The following CCDC7 variants were observed in gnomAD, a reference collection of about 807,000 sequenced individuals.
CCDC7 encodes the protein coiled-coil domain-containing protein 7.
In CCDC7, 183 loss-of-function variants were observed where a neutral mutation model predicts 196.9. The observed-to-expected ratio is 0.93, with a 90% CI of 0.82 to 1.05. CCDC7 has a LOEUF of 1.05. Among genes scored for constraint, CCDC7 ranks in the 50% least tolerant of loss-of-function variants. The pLI is 0.00. For missense variants in CCDC7, 1,540 were observed against 1,482.2 expected (o/e 1.04, Z -0.64); for synonymous variants, 525 against 484.6 (o/e 1.08, Z -1.10).
intron 9 of CCDC7, among the ~76,000 whole-genome samples, chr10:32,499,975 C>A (rs2043627958): frequency 1.3e-5 from 2 of 152,238 alleles, no homozygotes; most frequent in South Asian, 4.1e-4. Flanking sequence ...TAGTACAGAA[C>A]AAAATGGAGT....
intron 28 of CCDC7, among the ~76,000 whole-genome samples, chr10:32,731,695 A>G (rs997819318): frequency 2.0e-5 from 3 of 152,210 alleles, no homozygotes; most frequent in Non-Finnish European, 4.4e-5. Flanking sequence ...ATTCATTTTG[A>G]AAATGTGTCA....
intron 24 of CCDC7, among the ~76,000 whole-genome samples, chr10:32,707,024 G>T (rs572213862): frequency 2.4e-4 from 37 of 152,214 alleles, no homozygotes; most frequent in African/African-American, 8.7e-4. Flanking sequence ...CAAAAGAAGA[G>T]AATTTTAGAC....
chr10:32,445,332 C>A (rs746197699), upstream of CCDC7, among the ~76,000 whole-genome samples: 8 of 152,134 alleles, frequency 5.3e-5, no homozygotes, highest in African/African-American at 9.7e-5. Flanking sequence ...TCTTGTGAGG[C>A]ATTCAGATTT....
intron 18 of CCDC7, among the ~76,000 whole-genome samples, chr10:32,590,358 A>G (rs1260638635): frequency 2.0e-5 from 3 of 152,124 alleles, no homozygotes; most frequent in Non-Finnish European, 4.4e-5. Flanking sequence ...AGCAAAAAGG[A>G]AACTAGCAAA....
chr10:32,693,934 A>G (rs1236847569), intron 23 of CCDC7, among the ~76,000 whole-genome samples: 1 of 152,160 alleles, frequency 6.6e-6, no homozygotes, highest in Non-Finnish European at 1.5e-5. Context: ...CTTAACTGGG[A>G]TAAGTAGGCT....
At chr10:32,636,081 C>T (rs2065584169) in intron 20 of CCDC7, among the ~76,000 whole-genome samples, 1 of 152,144 alleles carries the variant, frequency 6.6e-6, no homozygotes, top group Non-Finnish European at 1.5e-5. Context: ...TATACTTCAA[C>T]TAGTTGGTCT....
intron 20 of CCDC7, among the ~76,000 whole-genome samples, chr10:32,639,853 G>A (rs552528998): frequency 8.5e-5 from 13 of 152,102 alleles, no homozygotes; most frequent in Admixed American, 5.2e-4. Flanking sequence ...TCCTGACCTC[G>A]TGATCCGCCT....
intron 41 of CCDC7, among the ~76,000 whole-genome samples, chr10:32,872,008 G>A (rs2094448353): frequency 6.6e-6 from 1 of 152,108 alleles, no homozygotes; most frequent in Admixed American, 6.6e-5. Flanking sequence ...GCTGAGGAGT[G>A]CTTTACTTCC....
At chr10:32,459,857 A>G (rs1369816309) in intron 3 of CCDC7, among the ~76,000 whole-genome samples, 3 of 152,052 alleles carry the variant, frequency 2.0e-5, no homozygotes, top group Admixed American at 1.3e-4. Flanking sequence ...AGCTATATCA[A>G]TTATGATTAT....
intron 28 of CCDC7, among the ~76,000 whole-genome samples, chr10:32,743,261 T>A (rs906126937): frequency 6.6e-6 from 1 of 152,236 alleles, no homozygotes; most frequent in African/African-American, 2.4e-5. Flanking sequence ...GTTTGTTTTT[T>A]TCTTGTAAAT....
At position 32,846,456 on chromosome 10, in the gene CCDC7, C is replaced by G. The variant is rs139631138; in HGVS notation, c.3685C>G (p.Gln1229Glu). 7.3e-5 allele frequency: 115 copies of G among 1,577,068 alleles called. No homozygotes were observed. The African/African-American group carries it at 1.4e-3, about 19-fold the overall frequency. ...AATCAGTGCACAATTAAAGAGTCAC[C>G]AGGGTAAGAAAAATAATTTTTGAGT... Residue 1229 changes from glutamine to glutamate, a missense_variant, in exon 37 of 42, where the codon CAG becomes GAG. Transcript: ENST00000639629.
chr10:32,728,738 C>G, intron 26 of CCDC7, 149 bp from the exon 28 acceptor site: 1 of 472,210 alleles, frequency 2.1e-6, no homozygotes, highest in Non-Finnish European at 3.8e-6. Flanking sequence ...TTAGCTTCCA[C>G]AGCAGCCATT....
intron 41 of CCDC7, 150 bp from the exon 43 acceptor site, chr10:32,876,197 A>ATAGG: frequency 1.8e-6 from 1 of 570,134 alleles, no homozygotes; most frequent in South Asian, 2.3e-5. Context: ...TATAAAAACA[A>ATAGG]TAGGTAGGTA....
intron 2 of CCDC7, 126 bp downstream of exon 3, chr10:32,453,562 C>A: frequency 1.6e-6 from 1 of 635,342 alleles, no homozygotes; most frequent in Non-Finnish European, 2.2e-6. Flanking sequence ...AATTTCCCAT[C>A]CATGAAAATG....
At chr10:32,701,091 T>A (rs547756191) in intron 24 of CCDC7, among the ~76,000 whole-genome samples, 1 of 152,314 alleles carries the variant, frequency 6.6e-6, no homozygotes, top group East Asian at 1.9e-4. Context: ...TCCAACACTA[T>A]GTTGGATAGG....
At chr10:32,503,742 G>A (rs1354320454) in intron 9 of CCDC7, among the ~76,000 whole-genome samples, 1 of 152,128 alleles carries the variant, frequency 6.6e-6, no homozygotes, top group African/African-American at 2.4e-5. Context: ...CAGCCATGAA[G>A]CCAGGAAGTC....
intron 15 of CCDC7, among the ~76,000 whole-genome samples, chr10:32,569,385 A>G (rs1197508616): frequency 6.6e-6 from 1 of 152,116 alleles, no homozygotes; most frequent in African/African-American, 2.4e-5. Context: ...TAGCAAATCT[A>G]TTTGATGCTA....
chr10:32,739,559 T>C (rs953955), intron 28 of CCDC7, among the ~76,000 whole-genome samples: 13,422 of 152,204 alleles, frequency 0.088, 862 homozygotes, highest in East Asian at 0.33. Flanking sequence ...CTTAATATCT[T>C]AGACATAATT....
At chr10:32,858,167 C>T (rs1195431229) in intron 41 of CCDC7, among the ~76,000 whole-genome samples, 1 of 152,126 alleles carries the variant, frequency 6.6e-6, no homozygotes, top group Admixed American at 6.5e-5. Flanking sequence ...CAGAACATTT[C>T]GAGGTGGCTT....
Sources: allele counts gnomAD v4.1 joint callset (sites outside exome capture counted in the v4.1 genomes callset), GRCh38; gene constraint gnomAD v4.1.1; transcripts MANE v1.5; gene names NCBI Gene and HGNC (gene_info 2026-07-23, HGNC 2026-07-21).